The following TLN2 variants were observed in gnomAD, a reference collection of about 807,000 sequenced individuals.
TLN2 encodes talin 2, also known as talin-2.
In TLN2, 118 loss-of-function variants were observed where a neutral mutation model predicts 294.7. That is an observed-to-expected ratio of 0.40 (90% CI 0.34 to 0.47). The LOEUF is 0.47. Ranked by LOEUF, TLN2 falls within the 20% of genes least tolerant of loss-of-function variation. The pLI is 0.84. For synonymous variants in TLN2, 1,431 were observed against 1,304.5 expected, an observed-to-expected ratio of 1.10 and a Z score of -2.09; for missense variants, 3,083 against 3,282.2, an observed-to-expected ratio of 0.94 and a Z score of 1.48.
intron 1 of TLN2, among the ~76,000 whole-genome samples, chr15:62,551,292 C>A (rs1000126272): frequency 6.6e-6 from 1 of 152,144 alleles, no homozygotes; most frequent in African/African-American, 2.4e-5. Flanking sequence ...TGGTACCAGT[C>A]CATGGCCTGG....
At chr15:62,576,373 T>C (rs1049236680) in intron 1 of TLN2, among the ~76,000 whole-genome samples, 15 of 152,170 alleles carry the variant, frequency 9.9e-5, no homozygotes, top group Admixed American at 5.9e-4. Flanking sequence ...AATTAGACTC[T>C]AGAGGAGCAC....
At chr15:62,469,073 G>A (rs2037318532) in intron 1 of TLN2, among the ~76,000 whole-genome samples, 1 of 152,162 alleles carries the variant, frequency 6.6e-6, no homozygotes, top group South Asian at 2.1e-4. Flanking sequence ...TGGTAGAGGG[G>A]GTTTTTCTTT....
rs747333506 is a variant in TLN2, at chr15:62,802,435, CACAT to C, written c.6477+1668_6477+1671del. On this transcript the variant is annotated intron_variant, in intron 50 of 58. Transcript: ENST00000636159. ...GTACACACACACACACACACACACA[CACAT>C]ATATATAATATTGAAGAGATATCTG... Among the ~76,000 whole-genome samples the C allele has an allele frequency of 1.8e-3, 258 of 143,482 alleles. 2 individuals are homozygous for C. The highest frequency in any genetic ancestry group is 6.3e-3 in the African/African-American group (250 of 39,562). The allele number at this position is 143,482 out of a possible 152,430, so 94.1% of individuals were successfully genotyped here.
intron 9 of TLN2, among the ~76,000 whole-genome samples, chr15:62,660,071 A>C (rs2140966927): frequency 6.6e-6 from 1 of 152,264 alleles, no homozygotes; most frequent in Non-Finnish European, 1.5e-5. Context: ...TAAAATAATA[A>C]TGAGAAGGTT....
At chr15:62,490,441 G>C (rs2038645872) in intron 1 of TLN2, among the ~76,000 whole-genome samples, 1 of 152,216 alleles carries the variant, frequency 6.6e-6, no homozygotes, top group Non-Finnish European at 1.5e-5. Context: ...ACATCCCAAA[G>C]ACAGTTGGTT....
intron 54 of TLN2, among the ~76,000 whole-genome samples, chr15:62,824,681 C>T (rs1297679176): frequency 6.6e-6 from 1 of 151,424 alleles, no homozygotes; most frequent in Non-Finnish European, 1.5e-5. Context: ...TTAGAATAAG[C>T]CAACAATCGG....
Position 62,468,816 on chromosome 15 carries a change from A to T in TLN2, c.-238+78131A>T, listed in dbSNP as rs560499161. Among the ~76,000 whole-genome samples the T allele has an allele frequency of 3.3e-5, 5 of 151,262 alleles. No individual in the cohort carries two copies. The South Asian group carries it at 1.0e-3, about 31-fold the overall frequency. The stretch of plus-strand genomic sequence containing the variant: ...ACAAAGGAGTTGTCTTTTGATGTTG[A>T]TGTTCATGACAATTCTTTAGAAATG... On this transcript the variant is annotated intron_variant, in intron 1 of 58. Coordinates refer to ENST00000636159, the MANE Select transcript of TLN2 (RefSeq NM_015059.3).
At chr15:62,470,518 T>C (rs2037410053) in intron 1 of TLN2, among the ~76,000 whole-genome samples, 1 of 152,232 alleles carries the variant, frequency 6.6e-6, no homozygotes, top group African/African-American at 2.4e-5. Flanking sequence ...TAGCTGGCCC[T>C]TCACAGGCCT....
chr15:62,424,192 T>C (rs369728788), intron 1 of TLN2, among the ~76,000 whole-genome samples: 2 of 152,138 alleles, frequency 1.3e-5, no homozygotes, highest in Admixed American at 6.6e-5. Flanking sequence ...ATGAGGCACA[T>C]AGCATGGAGC....
intron 47 of TLN2, among the ~76,000 whole-genome samples, 195 bp downstream of exon 47, chr15:62,796,488 G>A (rs1386323883): frequency 5.9e-5 from 9 of 152,152 alleles, no homozygotes; most frequent in Admixed American, 2.0e-4. Context: ...GTCGTGGTTC[G>A]AGCTTTGCCT....
intron 11 of TLN2, among the ~76,000 whole-genome samples, chr15:62,677,519 A>T (rs2056348570): frequency 6.6e-6 from 1 of 152,216 alleles, no homozygotes; most frequent in Non-Finnish European, 1.5e-5. Context: ...TTCAGTGACA[A>T]TTTGGAACCT....
chr15:62,690,737 G>A (rs2141059890), intron 12 of TLN2, among the ~76,000 whole-genome samples: 1 of 150,434 alleles, frequency 6.6e-6, no homozygotes, highest in East Asian at 1.9e-4. Flanking sequence ...AGCACTGAGT[G>A]AACCAGACTC....
chr15:62,624,076 C>A (rs2049057465), intron 3 of TLN2, among the ~76,000 whole-genome samples: 1 of 152,096 alleles, frequency 6.6e-6, no homozygotes, highest in Non-Finnish European at 1.5e-5. Flanking sequence ...GGACCTGCTC[C>A]AAGTGGTTTG....
In TLN2 at chr15:62,545,123, A is replaced by G. The variant is rs542642294; in HGVS notation, c.-237-44564A>G. 1.7e-3 allele frequency among the ~76,000 whole-genome samples: 250 copies of G among 149,846 alleles called. No individual in the cohort carries two copies. In the Middle Eastern group the frequency reaches 0.021, roughly 12 times the overall value. Reference sequence around the variant, plus strand: ...TTTTTTTTTTTTTTGTATTTTTAGTAGAGACGGGGTTTCACTGTGTTAGCC... The same window carrying G: ...TTTTTTTTTTTTTTGTATTTTTAGTGGAGACGGGGTTTCACTGTGTTAGCC... On this transcript the variant is annotated intron_variant, in intron 1 of 58. Transcript: ENST00000636159.
At chr15:62,543,342 T>A (rs1477067974) in intron 1 of TLN2, among the ~76,000 whole-genome samples, 1 of 152,230 alleles carries the variant, frequency 6.6e-6, no homozygotes, top group Non-Finnish European at 1.5e-5. Flanking sequence ...GTACCTACTA[T>A]GCCAAGCTCT....
At chr15:62,428,916 G>A (rs968938601) in intron 1 of TLN2, among the ~76,000 whole-genome samples, 5 of 152,072 alleles carry the variant, frequency 3.3e-5, no homozygotes, top group Non-Finnish European at 5.9e-5. Flanking sequence ...CACCTGGGAC[G>A]GCTTTGAATA....
At chr15:62,676,014 C>T (rs939039128) in intron 11 of TLN2, among the ~76,000 whole-genome samples, 1 of 152,188 alleles carries the variant, frequency 6.6e-6, no homozygotes, top group Non-Finnish European at 1.5e-5. Context: ...GGCCTCTCGC[C>T]TGGGGCCGTG....
chr15:62,768,416 C>A (rs2063152695), intron 41 of TLN2, among the ~76,000 whole-genome samples: 1 of 152,186 alleles, frequency 6.6e-6, no homozygotes, highest in African/African-American at 2.4e-5. Context: ...GGTGTCTCTT[C>A]TGTCTCTTAG....
chr15:62,562,724 G>A (rs778766853), intron 1 of TLN2, among the ~76,000 whole-genome samples: 1 of 151,924 alleles, frequency 6.6e-6, no homozygotes, highest in Non-Finnish European at 1.5e-5. Context: ...AGTCCCCAGA[G>A]TCCATTGTAT....
Sources: gnomAD v4.1 joint callset for allele counts (sites outside exome capture counted in the v4.1 genomes callset) on GRCh38, gnomAD v4.1.1 for gene constraint, MANE v1.5 for transcripts, NCBI Gene and HGNC (gene_info 2026-07-23, HGNC 2026-07-21) for gene names.